LAMA2: variants seen among roughly 807,000 people sequenced by gnomAD.
The protein encoded by LAMA2 is laminin subunit alpha 2.
LAMA2 carries 269 observed loss-of-function variants against 364.8 expected under a neutral mutation model. That is an observed-to-expected ratio of 0.74 (90% CI 0.67 to 0.82). LAMA2 has a LOEUF of 0.82. LAMA2 is among the 40% of genes least tolerant of loss of function. The pLI is 0.00. For missense variants in LAMA2, 3,807 were observed against 3,873.2 expected, an observed-to-expected ratio of 0.98 and a Z score of 0.45; for synonymous variants, 1,379 against 1,370.6, an observed-to-expected ratio of 1.01 and a Z score of -0.14.
rs376818186 is a variant in LAMA2, at chr6:128,989,002, A to G, written c.113-60916A>G. Among the ~76,000 whole-genome samples the G allele has an allele frequency of 5.3e-5, 8 of 152,294 alleles. No homozygotes were observed. In the South Asian group the frequency reaches 8.3e-4, roughly 16 times the overall value. On this transcript the variant is annotated intron_variant, in intron 1 of 64. Coordinates refer to ENST00000421865, the MANE Select transcript of LAMA2 (RefSeq NM_000426.4). The stretch of plus-strand genomic sequence containing the variant: ...AGAAAACATCCTGTAAAGAATGGCA[A>G]TGTTGGTGGTATATAGATGTAAAAT...
chr6:129,441,081 G>T, intron 43 of LAMA2, 83 bp downstream of exon 43: 1 of 1,207,392 alleles, frequency 8.3e-7, no homozygotes, highest in Non-Finnish European at 1.2e-6. Flanking sequence ...TGCTCGAGTT[G>T]GAAAGACCCT....
intron 32 of LAMA2, among the ~76,000 whole-genome samples, chr6:129,359,881 G>A (rs2114607183): frequency 6.6e-6 from 1 of 152,164 alleles, no homozygotes; most frequent in Non-Finnish European, 1.5e-5. Flanking sequence ...TAGAAATGCA[G>A]TATTTTGTGC....
chr6:129,393,085 G>A lies in LAMA2; in HGVS notation c.5275G>A (p.Gly1759Arg). Residue 1759 changes from glycine (G) to arginine (R), a missense_variant, in exon 37 of 65, where the codon GGA becomes AGA. Gly to Arg is a moderately radical substitution (Grantham distance 125, BLOSUM62 -2). Around this residue, in one of 3 missense-constraint regions of LAMA2, gnomAD observed 3,333 missense variants for 3,345.7 expected, o/e 1.00. Transcript: ENST00000421865. ...TCTGAAAAAAGTGAAGAAGCTGTTT[G>A]GAGAGTCCCGGGGGGAAAATGAAGA... is the stretch of plus-strand genomic sequence containing the variant. ...ALLKKVKKLFGESRGENEEME... is the reference protein window; with the variant it reads ...ALLKKVKKLFRESRGENEEME... 6.2e-7 allele frequency: 1 copy of A among 1,613,978 alleles called. No individual in the cohort carries two copies. The highest frequency in any genetic ancestry group is 1.7e-4 in the Middle Eastern group (1 of 6,060).
At chr6:128,897,230 C>A (rs1223030124) in intron 1 of LAMA2, among the ~76,000 whole-genome samples, 1 of 152,132 alleles carries the variant, frequency 6.6e-6, no homozygotes, top group Non-Finnish European at 1.5e-5. Context: ...ATTTTATTTC[C>A]CTTTTTTGTG....
At position 129,317,959 on chromosome 6, in the gene LAMA2, C is replaced by T. The variant is rs368087621; in HGVS notation, c.4058+1788C>T. On this transcript the variant is annotated intron_variant, in intron 27 of 64. Coordinates refer to ENST00000421865, the MANE Select transcript of LAMA2 (RefSeq NM_000426.4). ...TGTCACACTGTTTTACATACCTCACCAAATGAGATCTTTTGGTTTAAGTGA... is the reference window on the plus strand; with the variant it reads ...TGTCACACTGTTTTACATACCTCACTAAATGAGATCTTTTGGTTTAAGTGA... Among the ~76,000 whole-genome samples the T allele has an allele frequency of 5.3e-5, 8 of 151,870 alleles. No individual in the cohort carries two copies. The South Asian group carries it at 1.2e-3, about 24-fold the overall frequency.
intron 1 of LAMA2, among the ~76,000 whole-genome samples, chr6:128,902,588 C>T (rs1777157181): frequency 6.6e-6 from 1 of 152,126 alleles, no homozygotes; most frequent in Non-Finnish European, 1.5e-5. Context: ...GCAATGAGGA[C>T]TTGGAAGAAA....
At chr6:128,883,786 T>TTATA (rs142294175) in intron 1 of LAMA2, among the ~76,000 whole-genome samples, 2 of 133,804 alleles carry the variant, frequency 1.5e-5, no homozygotes, top group East Asian at 2.2e-4. Context: ...CAAAAAAAAA[T>TTATA]TATATATATA....
At position 129,456,390 on chromosome 6, in the gene LAMA2, A is replaced by G. The variant is rs1352740471; in HGVS notation, c.6763A>G (p.Ile2255Val). The G allele has an allele frequency of 1.2e-6, 2 of 1,613,464 alleles. No homozygotes were observed. Among genetic ancestry groups the G allele is most frequent in the Non-Finnish European group, 1.7e-6 (2 of 1,179,620 alleles). Residue 2255 changes from isoleucine (I) to valine (V), a missense_variant, in exon 48 of 65, where the codon ATT (isoleucine) becomes GTT (valine). Transcript: ENST00000421865. ...AGCCCTGGATGGACCCAAAGCCAGC[A>G]TTGTGCCCAGCACACACCATTCGAC... is the stretch of plus-strand genomic sequence containing the variant. ...VRALDGPKAS[I>V]VPSTHHSTSP...
intron 12 of LAMA2, among the ~76,000 whole-genome samples, chr6:129,193,487 G>A (rs906358423): frequency 2.0e-5 from 3 of 152,150 alleles, no homozygotes; most frequent in Non-Finnish European, 2.9e-5. Flanking sequence ...AGAAATACAG[G>A]CTTATTTTTT....
At chr6:129,377,665 G>A (rs1778450820) in intron 34 of LAMA2, among the ~76,000 whole-genome samples, 1 of 152,144 alleles carries the variant, frequency 6.6e-6, no homozygotes, top group Admixed American at 6.5e-5. Context: ...ATTTTAGCAG[G>A]AAACCATATG....
At chr6:129,286,298 G>C (rs1285244329) in intron 18 of LAMA2, among the ~76,000 whole-genome samples, 1 of 151,642 alleles carries the variant, frequency 6.6e-6, no homozygotes, top group Non-Finnish European at 1.5e-5. Context: ...ATAAGATTCA[G>C]ATGCCCTGTT....
chr6:129,240,013 C>T (rs923744262), intron 12 of LAMA2, among the ~76,000 whole-genome samples: 5 of 152,164 alleles, frequency 3.3e-5, no homozygotes, highest in Admixed American at 6.5e-5. Context: ...GGGAAGCCAG[C>T]GGTGCAGCCT....
intron 4 of LAMA2, among the ~76,000 whole-genome samples, chr6:129,127,714 C>T (rs1028355614): frequency 1.3e-5 from 2 of 152,172 alleles, no homozygotes; most frequent in Non-Finnish European, 2.9e-5. Flanking sequence ...CCTATTCTGA[C>T]AGGTGTGAGA....
chr6:128,992,192 G>C (rs372942283), intron 1 of LAMA2, among the ~76,000 whole-genome samples: 1 of 152,230 alleles, frequency 6.6e-6, no homozygotes, highest in East Asian at 1.9e-4. Flanking sequence ...TCTGACTCTA[G>C]TCATTGGCGG....
intron 3 of LAMA2, among the ~76,000 whole-genome samples, chr6:129,060,729 A>C (rs1788850132): frequency 6.6e-6 from 1 of 152,148 alleles, no homozygotes; most frequent in Admixed American, 6.5e-5. Flanking sequence ...AGCACAAGAC[A>C]TTTTCCTAAT....
chr6:129,273,322 G>A (rs962237736), intron 17 of LAMA2, among the ~76,000 whole-genome samples: 1 of 152,040 alleles, frequency 6.6e-6, no homozygotes, highest in Non-Finnish European at 1.5e-5. Context: ...CGACTAACTT[G>A]CATTTGAGGA....
chr6:129,199,571 G>A (rs1425220942), intron 12 of LAMA2, among the ~76,000 whole-genome samples: 1 of 152,080 alleles, frequency 6.6e-6, no homozygotes, highest in African/African-American at 2.4e-5. Flanking sequence ...ATACTTATCT[G>A]CTTGTAAAAT....
chr6:128,921,236 G>A (rs761475371), intron 1 of LAMA2, among the ~76,000 whole-genome samples: 2 of 151,906 alleles, frequency 1.3e-5, no homozygotes, highest in East Asian at 3.8e-4. Flanking sequence ...TTTCTAAAAT[G>A]ATGACTAAAA....
chr6:129,298,940 G>A (rs780717027), intron 21 of LAMA2, among the ~76,000 whole-genome samples: 2 of 151,992 alleles, frequency 1.3e-5, no homozygotes, highest in African/African-American at 4.8e-5. Context: ...TTATAAAGCT[G>A]TATTTTAAAA....
Sources: allele counts gnomAD v4.1 joint callset (sites outside exome capture counted in the v4.1 genomes callset), GRCh38; gene constraint gnomAD v4.1.1; regional missense constraint gnomAD v4.1.1; transcripts MANE v1.5; gene names NCBI Gene and HGNC (gene_info 2026-07-23, HGNC 2026-07-21).